The following LTN1 variants were observed in gnomAD, a reference collection of about 807,000 sequenced individuals.
LTN1 encodes E3 ubiquitin-protein ligase listerin.
LTN1 carries 88 observed loss-of-function variants against 201.2 expected under a neutral mutation model. That is an observed-to-expected ratio of 0.44 (90% CI 0.37 to 0.52). LTN1 has a LOEUF of 0.52. Among genes scored for constraint, LTN1 ranks in the 20% least tolerant of loss-of-function variants. The pLI, the probability that LTN1 is intolerant of heterozygous loss-of-function variation, is 0.00. For synonymous variants in LTN1, 645 were observed against 713.5 expected (o/e 0.90, Z 1.53); for missense variants, 1,752 against 2,038.7 (o/e 0.86, Z 2.71).
chr21:28,947,744 A>G, intron 18 of LTN1, 138 bp from the exon 19 acceptor site: 1 of 535,440 alleles, frequency 1.9e-6, no homozygotes, highest in Non-Finnish European at 3.0e-6. Flanking sequence ...AAACTATGAT[A>G]GATTTAACAA....
rs767776924 is a variant in LTN1, at chr21:28,966,327, ATC to A, written c.2121+41_2121+42del. On this transcript the variant is annotated intron_variant, in intron 10 of 29. Coordinates refer to ENST00000361371, the MANE Select transcript of LTN1 (RefSeq NM_015565.3). ...AACAATAAGCAGGCTCATTCTACTC[ATC>A]TATTATTCAAATAGTTTGAAAAGAT... 4 of 1,455,166 alleles carry A rather than the reference ATC, an allele frequency of 2.7e-6. No individual in the cohort carries two copies. In the South Asian group the frequency reaches 4.0e-5, roughly 14 times the overall value. 90.1% of individuals were successfully genotyped at this position (1,455,166 alleles called of 1,614,324 possible). A position where few individuals can be genotyped will look rare whatever the true frequency, so the allele number is the denominator to read the frequency against.
At chr21:28,933,268 ATC>A (rs1352665541) in intron 27 of LTN1, among the ~76,000 whole-genome samples, 1 of 152,014 alleles carries the variant, frequency 6.6e-6, no homozygotes, top group Non-Finnish European at 1.5e-5. Flanking sequence ...CTAGCACAAA[ATC>A]TCTCACATCC....
At chr21:28,966,197 G>T (rs187121283) in intron 10 of LTN1, among the ~76,000 whole-genome samples, 173 bp downstream of exon 10, 50 of 152,160 alleles carry the variant, frequency 3.3e-4, no homozygotes, top group Admixed American at 2.8e-3. Context: ...TGTCACCCTG[G>T]TACTGCTGAA....
In LTN1 at chr21:28,970,608, G is replaced by T; in HGVS notation, c.1119C>A (p.Ser373=). Residue 373 remains serine (S), a synonymous_variant, in exon 8 of 30, where the codon TCC becomes TCA. Coordinates refer to ENST00000361371, the MANE Select transcript of LTN1 (RefSeq NM_015565.3). ...LLPFISKLPQ[S]ITNPKLDFFK... ...AGAAATCCAACTTTGGATTTGTGATGGACTGAGGGAGCTTGCTGATGAATG... is the reference window on the plus strand; with the variant it reads ...AGAAATCCAACTTTGGATTTGTGATTGACTGAGGGAGCTTGCTGATGAATG... 1 of 1,613,862 alleles carries T rather than the reference G, an allele frequency of 6.2e-7. No homozygotes were observed. The highest frequency in any genetic ancestry group is 1.1e-5 in the South Asian group (1 of 91,034).
At chr21:28,958,631 T>A in intron 13 of LTN1, 92 bp from the exon 14 acceptor site, 1 of 919,580 alleles carries the variant, frequency 1.1e-6, no homozygotes, top group South Asian at 1.9e-5. Context: ...GATCTGAGAT[T>A]TTTTTAAATA....
At chr21:28,938,249 CT>C (rs1172036804) in intron 25 of LTN1, among the ~76,000 whole-genome samples, 1 of 151,990 alleles carries the variant, frequency 6.6e-6, no homozygotes, top group Non-Finnish European at 1.5e-5. Context: ...TTATATTATG[CT>C]TATGTAGAAA....
rs186329919 is a variant in LTN1, at chr21:28,936,264, C to G, written c.4654+262G>C. On this transcript the variant is annotated intron_variant, in intron 26 of 29. Transcript: ENST00000361371. Reference sequence around the variant, plus strand: ...TTTATATGCCTATAAAATGTTATCACGTAAGAAATATTTGTTTACAGAGTC... The same window carrying G: ...TTTATATGCCTATAAAATGTTATCAGGTAAGAAATATTTGTTTACAGAGTC... Among the ~76,000 whole-genome samples the G allele has an allele frequency of 1.1e-4, 16 of 152,282 alleles. No individual in the cohort carries two copies. In the East Asian group the frequency reaches 3.1e-3, roughly 29 times the overall value.
chr21:28,989,873 G>A (rs1053792937), intron 1 of LTN1, among the ~76,000 whole-genome samples: 24 of 151,768 alleles, frequency 1.6e-4, no homozygotes, highest in African/African-American at 4.6e-4. Context: ...AAAATTAGCC[G>A]GGTGTGATGG....
chr21:28,966,534 C>G lies in LTN1; in HGVS notation c.1957G>C (p.Val653Leu), dbSNP rs746037528. The change falls in exon 10 of 30, where the codon GTA becomes CTA. Residue 653 changes from valine (V) to leucine (L), a missense_variant. Val to Leu is a conservative substitution (Grantham distance 32). This residue lies in a region of LTN1 where 1,211 missense variants were observed against 1,312.8 expected (regional missense o/e 0.92). Transcript: ENST00000361371. ...QAKPLEIAKLVQKNPAVQFLY... is the reference protein window; with the variant it reads ...QAKPLEIAKLLQKNPAVQFLY... ...AACTGCACCGCAGGATTTTTTTGTA[C>G]AAGCTTGGCTATTTCAAGAGGTTTG... The G allele has an allele frequency of 2.5e-6, 4 of 1,614,044 alleles. No homozygotes were observed. The highest frequency in any genetic ancestry group is 1.7e-5 in the Admixed American group (1 of 60,006).
intron 11 of LTN1, among the ~76,000 whole-genome samples, chr21:28,965,339 T>A (rs2084512634): frequency 6.6e-6 from 1 of 152,232 alleles, no homozygotes; most frequent in African/African-American, 2.4e-5. Context: ...TAAGCCGTTT[T>A]GAAAATTTGT....
rs1394063821 is a variant in LTN1 at position 28,930,381 on chromosome 21, T to A, written c.*67A>T. ...CACTGGCTTCCCCACATCCACACTT[T>A]CAGACGGATCCAAATCCAATGCCTT... On this transcript the variant is annotated 3_prime_UTR_variant, in exon 30 of 30. Transcript: ENST00000361371. The A allele has an allele frequency of 7.9e-7, 1 of 1,261,618 alleles. No homozygotes were observed. Among genetic ancestry groups the A allele is most frequent in the Non-Finnish European group, 1.1e-6 (1 of 871,130 alleles). 78.2% of individuals were successfully genotyped at this position (1,261,618 alleles called of 1,614,324 possible). A position where few individuals can be genotyped will look rare whatever the true frequency, so the allele number is the denominator to read the frequency against.
rs200123955 is a variant in LTN1 at position 28,936,670 on chromosome 21, G to A, written c.4510C>T (p.Arg1504Trp). The A allele has an allele frequency of 3.8e-5, 61 of 1,612,182 alleles. 1 individual carries two copies. The highest frequency in any genetic ancestry group is 4.5e-5 in the Non-Finnish European group (53 of 1,179,006). ...AATTTATTCAAACTCTTTGTTTTCC[G>A]AAGATACATGGAATACAAAGCCCGA... ...QLRALYSMYL[R>W]KTKSLNKLLY... The change falls in exon 26 of 30, where the codon CGG becomes TGG. Residue 1504 changes from arginine to tryptophan, a missense_variant. By Grantham distance (101) the Arg-to-Trp change is moderately radical. Around this residue, in one of 3 missense-constraint regions of LTN1, gnomAD observed 261 missense variants for 350.1 expected, o/e 0.75. Coordinates refer to ENST00000361371, the MANE Select transcript of LTN1 (RefSeq NM_015565.3).
chr21:28,978,510 T>C lies in LTN1; in HGVS notation c.810+2609A>G, dbSNP rs562154260. On this transcript the variant is annotated intron_variant, in intron 6 of 29. Coordinates refer to ENST00000361371, the MANE Select transcript of LTN1 (RefSeq NM_015565.3). ...TTATTGATGAAGTGAAGATTTTATA[T>C]GAAAGGTAAAACTGCATATAAAGCC... Among the ~76,000 whole-genome samples the C allele has an allele frequency of 2.1e-4, 32 of 152,332 alleles. 1 individual carries two copies. In the South Asian group the frequency reaches 6.2e-3, roughly 30 times the overall value.
chr21:28,929,438 A>G lies in LTN1; in HGVS notation c.*1010T>C, dbSNP rs2084193754. 1 of 152,448 alleles carries G rather than the reference A, an allele frequency of 6.6e-6. No individual in the cohort carries two copies. 9.4% of individuals were successfully genotyped at this position (152,448 alleles called of 1,614,324 possible). On this transcript the variant is annotated 3_prime_UTR_variant, in exon 30 of 30. Transcript: ENST00000361371. ...CAGCCTATTATACTGAATTTTACCT[A>G]GTGCTAAAATCCTTAACTTTCATTT... is the stretch of plus-strand genomic sequence containing the variant.
At chr21:28,988,248 C>T (rs190168655) in intron 1 of LTN1, among the ~76,000 whole-genome samples, 5 of 151,866 alleles carry the variant, frequency 3.3e-5, no homozygotes, top group African/African-American at 1.2e-4. Context: ...GGGTGGATCA[C>T]TTGAGCCCTG....
chr21:28,973,883 G>T (rs1333434275), intron 6 of LTN1, among the ~76,000 whole-genome samples: 1 of 152,034 alleles, frequency 6.6e-6, no homozygotes, highest in Non-Finnish European at 1.5e-5. Context: ...GTACATATAC[G>T]GTCAAGTGAA....
At chr21:28,936,757 GAAC>G in intron 25 of LTN1, 60 bp from the exon 26 acceptor site, 5 of 1,329,592 alleles carry the variant, frequency 3.8e-6, no homozygotes, top group Non-Finnish European at 5.3e-6. Context: ...TGGTATAAAA[GAAC>G]AACTCAAAGT....
rs1236978695 is a variant in LTN1 at position 28,943,371 on chromosome 21, A to C, written c.4221-35T>G. 2.4e-6 allele frequency: 3 copies of C among 1,262,106 alleles called. No individual in the cohort carries two copies. The Admixed American group carries it at 5.6e-5, about 24-fold the overall frequency. The allele number at this position is 1,262,106 out of a possible 1,614,324, so 78.2% of individuals were successfully genotyped here. ...AGAACATTATTTTTAAATATGTGAT[A>C]TTAAACTGTTTATTAAGTCGTGCTC... On this transcript the variant is annotated intron_variant, in intron 23 of 29. Coordinates refer to ENST00000361371, the MANE Select transcript of LTN1 (RefSeq NM_015565.3).
chr21:28,985,463 T>TA (rs747523082), intron 3 of LTN1, among the ~76,000 whole-genome samples: 193 of 121,936 alleles, frequency 1.6e-3, no homozygotes, highest in Non-Finnish European at 1.6e-3. Context: ...CCGTCTCAAT[T>TA]AAAAAAAAAA....
Sources: gnomAD v4.1 joint callset for allele counts (sites outside exome capture counted in the v4.1 genomes callset) on GRCh38, gnomAD v4.1.1 for gene constraint, gnomAD v4.1.1 regional missense constraint, MANE v1.5 for transcripts, NCBI Gene and HGNC (gene_info 2026-07-23, HGNC 2026-07-21) for gene names.